The following DPP6 variants were observed in gnomAD, a reference collection of about 807,000 sequenced individuals.
The protein encoded by DPP6 is dipeptidyl peptidase like 6.
A neutral mutation model predicts 122.6 loss-of-function variants in DPP6; 69 were observed. The observed-to-expected ratio is 0.56, with a 90% CI of 0.46 to 0.69. The LOEUF is 0.69. Among genes scored for constraint, DPP6 ranks in the 30% least tolerant of loss-of-function variants. The pLI, the probability that DPP6 is intolerant of heterozygous loss-of-function variation, is 0.00. For synonymous variants in DPP6, 418 were observed against 433.1 expected, an observed-to-expected ratio of 0.97 and a Z score of 0.43; for missense variants, 928 against 1,116.9, an observed-to-expected ratio of 0.83 and a Z score of 2.41.
chr7:154,118,937 A>G (rs1457318630), intron 1 of DPP6, among the ~76,000 whole-genome samples: 16 of 150,322 alleles, frequency 1.1e-4, no homozygotes, highest in Non-Finnish European at 2.4e-4. Flanking sequence ...CTGCTTCTCT[A>G]AAATAAAAGC....
intron 1 of DPP6, among the ~76,000 whole-genome samples, chr7:154,317,814 C>T (rs1402606790): frequency 6.6e-6 from 1 of 152,038 alleles, no homozygotes; most frequent in African/African-American, 2.4e-5. Flanking sequence ...AAGTAACAGA[C>T]AGTAATTGAG....
intron 2 of DPP6, among the ~76,000 whole-genome samples, chr7:154,453,994 C>A (rs932655874): frequency 2.0e-5 from 3 of 152,012 alleles, no homozygotes; most frequent in African/African-American, 4.8e-5. Context: ...GTAATGCATA[C>A]CTCCTAATTT....
At chr7:154,120,939 G>C (rs1303510420) in intron 1 of DPP6, among the ~76,000 whole-genome samples, 2 of 152,170 alleles carry the variant, frequency 1.3e-5, no homozygotes, top group Non-Finnish European at 2.9e-5. Context: ...ATCCCCACAG[G>C]TCAAGGGCGG....
Position 154,480,570 on chromosome 7 carries a change from C to T in DPP6, c.457+5533C>T, listed in dbSNP as rs114796186. On this transcript the variant is annotated intron_variant, in intron 3 of 25. Coordinates refer to ENST00000377770, the MANE Select transcript of DPP6 (RefSeq NM_130797.4). ...GGCCGGTTCTCCCTCTTCTCCCTGA[C>T]GTTTAATATTGCTGCAAGACTCAGG... is the stretch of plus-strand genomic sequence containing the variant. Among the ~76,000 whole-genome samples, 323 of 152,324 alleles carry T rather than the reference C, an allele frequency of 2.1e-3. 2 individuals are homozygous for T. Among genetic ancestry groups the T allele is most frequent in the African/African-American group, 6.4e-3 (264 of 41,572 alleles).
chr7:154,465,374 T>G (rs1821692836), intron 2 of DPP6, among the ~76,000 whole-genome samples: 1 of 152,128 alleles, frequency 6.6e-6, no homozygotes, highest in Admixed American at 6.5e-5. Context: ...CTAATTAAAC[T>G]AAAGAGCTTC....
intron 1 of DPP6, among the ~76,000 whole-genome samples, chr7:153,930,157 G>A (rs756839454): frequency 2.0e-4 from 30 of 152,346 alleles, no homozygotes; most frequent in African/African-American, 6.7e-4. Context: ...ACAGTGTGAA[G>A]CAACCACTTA....
chr7:154,880,744 T>C, intron 20 of DPP6, 144 bp from the exon 21 acceptor site: 1 of 1,385,962 alleles, frequency 7.2e-7, no homozygotes, highest in African/African-American at 1.5e-5. Context: ...CAATAAATAA[T>C]TATATTGGAA....
chr7:153,963,595 CAGCAGGTGAGT>C (rs57184482), intron 1 of DPP6, among the ~76,000 whole-genome samples: 8,410 of 151,884 alleles, frequency 0.055, 794 homozygotes, highest in African/African-American at 0.19. Context: ...AGGAGGTGAG[CAGCAGGTGAGT>C]GAGCATGACT....
In DPP6 at chr7:154,243,607, A is replaced by G. The variant is rs535129900; in HGVS notation, c.243+190544A>G. Among the ~76,000 whole-genome samples, 7 of 152,216 alleles carry G rather than the reference A, an allele frequency of 4.6e-5. No homozygotes were observed. The East Asian group carries it at 1.4e-3, about 29-fold the overall frequency. On this transcript the variant is annotated intron_variant, in intron 1 of 25. Transcript: ENST00000377770. ...TCAGGAGATTGAGACCATCCTGGCTAACACACTGAAACCCCGTCTCTACTA... is the reference window on the plus strand; with the variant it reads ...TCAGGAGATTGAGACCATCCTGGCTGACACACTGAAACCCCGTCTCTACTA...
At chr7:154,869,087 C>T (rs73728621) in intron 18 of DPP6, among the ~76,000 whole-genome samples, 2 of 152,156 alleles carry the variant, frequency 1.3e-5, no homozygotes, top group African/African-American at 4.8e-5. Flanking sequence ...CAGAGCTCGG[C>T]GGAAAGCGTG....
chr7:154,522,622 A>G (rs1279684590), intron 3 of DPP6, among the ~76,000 whole-genome samples: 1 of 152,054 alleles, frequency 6.6e-6, no homozygotes, highest in African/African-American at 2.4e-5. Flanking sequence ...AAACCTTTGT[A>G]CCTCTTTGGA....
chr7:154,469,415 T>A (rs1195535288), intron 2 of DPP6, among the ~76,000 whole-genome samples: 4 of 152,130 alleles, frequency 2.6e-5, no homozygotes, highest in Non-Finnish European at 5.9e-5. Flanking sequence ...AGAGAGAGAG[T>A]GTTCCCCTGA....
chr7:154,174,238 C>T (rs1047652217), intron 1 of DPP6, among the ~76,000 whole-genome samples: 1 of 152,188 alleles, frequency 6.6e-6, no homozygotes. Context: ...TCTGTTTACC[C>T]ATTGGAAAAC....
intron 1 of DPP6, among the ~76,000 whole-genome samples, chr7:154,358,758 T>C (rs1480715483): frequency 1.3e-5 from 2 of 152,212 alleles, no homozygotes; most frequent in Non-Finnish European, 2.9e-5. Flanking sequence ...CAGGCTGGAA[T>C]GCAATGACGT....
chr7:154,177,147 A>G lies in DPP6; in HGVS notation c.243+124084A>G, dbSNP rs567936553. 5.9e-5 allele frequency among the ~76,000 whole-genome samples: 9 copies of G among 152,206 alleles called. No homozygotes were observed. In the South Asian group the frequency reaches 1.5e-3, roughly 25 times the overall value. On this transcript the variant is annotated intron_variant, in intron 1 of 25. Transcript: ENST00000377770. ...CTGCACCCAGCCAAAATAATTTTCT[A>G]TTCGCTGGGGAGTAAAGTTGTCTTT... is the stretch of plus-strand genomic sequence containing the variant.
intron 1 of DPP6, among the ~76,000 whole-genome samples, chr7:153,992,310 C>T (rs866850320): frequency 3.3e-5 from 5 of 152,180 alleles, no homozygotes; most frequent in Non-Finnish European, 5.9e-5. Context: ...TAACTTACTT[C>T]ACTGGGCTTC....
chr7:154,596,467 C>CAAGTCTT (rs1833099947), intron 5 of DPP6, among the ~76,000 whole-genome samples: 1 of 152,122 alleles, frequency 6.6e-6, no homozygotes, highest in South Asian at 2.1e-4. Flanking sequence ...TTTGAGAAAA[C>CAAGTCTT]GTGAAAGGAT....
At chr7:154,537,564 C>T (rs959449891) in intron 3 of DPP6, among the ~76,000 whole-genome samples, 15 of 152,070 alleles carry the variant, frequency 9.9e-5, no homozygotes, top group Non-Finnish European at 2.1e-4. Context: ...GTGGTGCAAG[C>T]TTGTAATCCC....
chr7:154,187,734 C>G (rs532363915), intron 1 of DPP6, among the ~76,000 whole-genome samples: 1 of 152,064 alleles, frequency 6.6e-6, no homozygotes, highest in Admixed American at 6.6e-5. Context: ...ACTTCTCCTC[C>G]CTAAGCTTCA....
Sources: allele counts gnomAD v4.1 joint callset (sites outside exome capture counted in the v4.1 genomes callset), GRCh38; gene constraint gnomAD v4.1.1; transcripts MANE v1.5; gene names NCBI Gene and HGNC (gene_info 2026-07-23, HGNC 2026-07-21).